ST7: variants seen among roughly 807,000 people sequenced by gnomAD.
ST7 encodes suppressor of tumorigenicity 7 protein.
Under a neutral mutation model 78.7 loss-of-function variants are expected in ST7, and 28 were observed. That is an observed-to-expected ratio of 0.36 (90% CI 0.26 to 0.49). The LOEUF is 0.49. Among genes scored for constraint, ST7 ranks in the 20% least tolerant of loss-of-function variants. ST7 has a pLI of 0.99. For missense variants in ST7, 418 were observed against 696.0 expected (o/e 0.60, Z 4.49); for synonymous variants, 247 against 249.6 (o/e 0.99, Z 0.10).
At chr7:116,969,076 T>A (rs1359281387) in intron 1 of ST7, among the ~76,000 whole-genome samples, 2 of 152,258 alleles carry the variant, frequency 1.3e-5, no homozygotes, top group African/African-American at 4.8e-5. Context: ...GTGTTCATAT[T>A]GCTTTCTCTC....
intron 1 of ST7, chr7:116,972,952 C>G: frequency 8.8e-7 from 1 of 1,132,472 alleles, no homozygotes; most frequent in East Asian, 2.4e-5. Flanking sequence ...ATTCCTGCCT[C>G]CTCTGCTTGG....
intron 1 of ST7, among the ~76,000 whole-genome samples, chr7:116,974,805 T>A (rs1793614930): frequency 6.6e-6 from 1 of 152,162 alleles, no homozygotes; most frequent in Non-Finnish European, 1.5e-5. Flanking sequence ...AATATAATTA[T>A]ATTTTCTAAA....
chr7:117,042,748 A>C (rs921557576), intron 1 of ST7, among the ~76,000 whole-genome samples: 1 of 152,240 alleles, frequency 6.6e-6, no homozygotes, highest in South Asian at 2.1e-4. Context: ...AAAAAAATAT[A>C]TAGACCTCCC....
intron 13 of ST7, among the ~76,000 whole-genome samples, chr7:117,216,405 G>T (rs1792695227): frequency 6.6e-6 from 1 of 152,096 alleles, no homozygotes; most frequent in African/African-American, 2.4e-5. Flanking sequence ...TCTGAAATTT[G>T]TGTTTTCTTA....
At chr7:116,959,548 A>G (rs1792713371) in intron 1 of ST7, 1 of 252,404 alleles carries the variant, frequency 4.0e-6, no homozygotes, top group Admixed American at 5.4e-5. Flanking sequence ...GGATTGGAAC[A>G]ATACAATTGA....
chr7:117,015,002 A>G (rs1021167718), intron 1 of ST7: 9 of 1,365,440 alleles, frequency 6.6e-6, no homozygotes, highest in East Asian at 2.8e-5. Flanking sequence ...CTGCTTCATT[A>G]TGGATTATAC....
chr7:116,968,748 G>C (rs1793269255), intron 1 of ST7, among the ~76,000 whole-genome samples: 14 of 152,072 alleles, frequency 9.2e-5, no homozygotes, highest in Admixed American at 9.2e-4. Context: ...ACCAAAACAA[G>C]GGGATGAGAG....
At chr7:117,045,239 G>T (rs1017576972) in intron 1 of ST7, among the ~76,000 whole-genome samples, 6 of 152,066 alleles carry the variant, frequency 3.9e-5, no homozygotes, top group Non-Finnish European at 7.4e-5. Context: ...GTCAGACCTT[G>T]TCACTCTTCT....
At chr7:117,125,461 T>C (rs929218231) in intron 3 of ST7, among the ~76,000 whole-genome samples, 1 of 152,146 alleles carries the variant, frequency 6.6e-6, no homozygotes, top group Non-Finnish European at 1.5e-5. Context: ...ATTTGTTGAA[T>C]TGAAAGCTAC....
chr7:116,989,521 T>TTG (rs963668091), intron 1 of ST7, among the ~76,000 whole-genome samples: 14 of 152,268 alleles, frequency 9.2e-5, no homozygotes, highest in African/African-American at 3.4e-4. Flanking sequence ...GAGTTTTTTT[T>TTG]TTTTGTTTTG....
At chr7:117,070,603 C>T (rs1335556419) in intron 1 of ST7, among the ~76,000 whole-genome samples, 1 of 152,104 alleles carries the variant, frequency 6.6e-6, no homozygotes, top group Admixed American at 6.5e-5. Flanking sequence ...TGCAGTGGCG[C>T]GATCTCGGCT....
chr7:117,129,907 C>T (rs1384370601), intron 4 of ST7, 60 bp downstream of exon 4: 4 of 1,429,738 alleles, frequency 2.8e-6, no homozygotes, highest in Non-Finnish European at 3.9e-6. Flanking sequence ...AAGACAGCAG[C>T]AAATGTTTTT....
chr7:117,000,727 G>T (rs1317473908), intron 1 of ST7, among the ~76,000 whole-genome samples: 3 of 152,240 alleles, frequency 2.0e-5, no homozygotes. Flanking sequence ...GGAAATGTGG[G>T]TGTGGGCTTT....
At chr7:117,015,152 A>G (rs1326314736) in intron 1 of ST7, 5 of 435,994 alleles carry the variant, frequency 1.1e-5, no homozygotes, top group Middle Eastern at 6.5e-4. Context: ...TGAGTATTGT[A>G]TGAATTTGTT....
intron 12 of ST7, among the ~76,000 whole-genome samples, chr7:117,205,876 G>C (rs1791704770): frequency 2.0e-5 from 3 of 152,244 alleles, no homozygotes; most frequent in Non-Finnish European, 4.4e-5. Flanking sequence ...ACAGAACCAA[G>C]CCATTATTAT....
At chr7:117,150,507 C>A (rs1222522094) in intron 9 of ST7, among the ~76,000 whole-genome samples, 1 of 152,136 alleles carries the variant, frequency 6.6e-6, no homozygotes, top group African/African-American at 2.4e-5. Context: ...CTCTTTCCTG[C>A]TGTCTGGGTC....
chr7:117,136,109 G>A lies in ST7; in HGVS notation c.739G>A (p.Glu247Lys). The change falls in exon 8 of 16, where the codon GAA becomes AAA. Residue 247 changes from glutamate (E) to lysine (K), a missense_variant. By Grantham distance (56) the Glu-to-Lys change is moderately conservative. This residue lies in a region of ST7 where 288 missense variants were observed against 537.1 expected (regional missense o/e 0.54). Coordinates refer to ENST00000323984, the MANE Select transcript of ST7 (RefSeq NM_001369598.1). The stretch of plus-strand genomic sequence containing the variant: ...TGCAACTGCTTATATTCTCTTGGCT[G>A]AAGAGGAAGCAACAACCATTGCTGA... ...KCATAYILLA[E>K]EEATTIAEAE... 6.2e-7 allele frequency: 1 copy of A among 1,613,394 alleles called. No homozygotes were observed. The highest frequency in any genetic ancestry group is 8.5e-7 in the Non-Finnish European group (1 of 1,179,542).
Position 117,134,190 on chromosome 7 carries a change from AAAGT to A in ST7, c.710+3_710+6del. The A allele has an allele frequency of 6.2e-7, 1 of 1,611,880 alleles. No individual in the cohort carries two copies. Among genetic ancestry groups the A allele is most frequent in the Non-Finnish European group, 8.5e-7 (1 of 1,178,686 alleles). On this transcript the variant is annotated splice_donor_variant and coding_sequence_variant, in exon 7 of 16. Transcript: ENST00000323984. LOFTEE classifies it high-confidence loss of function. ...CCATCTGGGAGATAAAATTGTTACC[AAAGT>A]AAGTCAAGAACCTGTTGGGTGCCCT...
intron 1 of ST7, among the ~76,000 whole-genome samples, chr7:117,085,088 A>G (rs150440083): frequency 1.3e-5 from 2 of 152,318 alleles, no homozygotes; most frequent in South Asian, 2.1e-4. Flanking sequence ...TGTACAAGAA[A>G]AAGAATAAAG....
Sources: gnomAD v4.1 joint callset for allele counts (sites outside exome capture counted in the v4.1 genomes callset) on GRCh38, gnomAD v4.1.1 for gene constraint, gnomAD v4.1.1 regional missense constraint, MANE v1.5 for transcripts, NCBI Gene and HGNC (gene_info 2026-07-23, HGNC 2026-07-21) for gene names.